SAMD4A: variants seen among roughly 807,000 people sequenced by gnomAD.
SAMD4A encodes the protein protein Smaug homolog 1.
In SAMD4A, 33 loss-of-function variants were observed where a neutral mutation model predicts 81.3. That is an observed-to-expected ratio of 0.41 (90% CI 0.31 to 0.54). The LOEUF (loss-of-function observed/expected upper bound fraction) is 0.54. SAMD4A is among the 20% of genes least tolerant of loss of function. The pLI is 0.37. For missense variants in SAMD4A, 854 were observed against 951.1 expected, an observed-to-expected ratio of 0.90 and a Z score of 1.34; for synonymous variants, 389 against 382.1, an observed-to-expected ratio of 1.02 and a Z score of -0.21.
chr14:54,620,332 A>G (rs2034585989), intron 2 of SAMD4A, among the ~76,000 whole-genome samples: 2 of 148,226 alleles, frequency 1.3e-5, no homozygotes, highest in Admixed American at 6.8e-5. Context: ...AGTGCCTCCA[A>G]CAAAAATAAG....
chr14:54,566,800 G>A (rs2140089171), upstream of SAMD4A, among the ~76,000 whole-genome samples: 1 of 152,204 alleles, frequency 6.6e-6, no homozygotes, highest in South Asian at 2.1e-4. Context: ...TCCGGCCGGA[G>A]CAGGCCCAGG....
chr14:54,568,144 G>A (rs1033880822), intron 2 of SAMD4A, 32 bp downstream of exon 2: 3 of 1,402,594 alleles, frequency 2.1e-6, no homozygotes, highest in East Asian at 5.9e-5. Context: ...CCGCCGTCCC[G>A]CCTGCCCAAC....
intron 6 of SAMD4A, among the ~76,000 whole-genome samples, chr14:54,755,660 G>A (rs1184969392): frequency 6.6e-6 from 1 of 152,172 alleles, no homozygotes; most frequent in Non-Finnish European, 1.5e-5. Flanking sequence ...AGTTTTAGGG[G>A]AATGGGAGGA....
At chr14:54,770,039 T>G in intron 8 of SAMD4A, 65 bp from the exon 9 acceptor site, 3 of 999,568 alleles carry the variant, frequency 3.0e-6, no homozygotes, top group Admixed American at 1.8e-5. Flanking sequence ...CCCTTATTAA[T>G]TGCATGTTTC....
intron 2 of SAMD4A, among the ~76,000 whole-genome samples, chr14:54,583,331 A>G (rs1047893335): frequency 1.3e-5 from 2 of 152,136 alleles, no homozygotes; most frequent in Non-Finnish European, 2.9e-5. Flanking sequence ...TTGCAATTCA[A>G]ATGTAACTAG....
At chr14:54,717,904 T>G (rs1053515173) in intron 3 of SAMD4A, among the ~76,000 whole-genome samples, 11 of 146,034 alleles carry the variant, frequency 7.5e-5, no homozygotes, top group African/African-American at 2.8e-4. Flanking sequence ...TTTTTTTTGC[T>G]CAATCTATGA....
intron 3 of SAMD4A, among the ~76,000 whole-genome samples, chr14:54,711,263 C>T (rs1200509401): frequency 2.0e-5 from 3 of 152,174 alleles, no homozygotes; most frequent in African/African-American, 4.8e-5. Flanking sequence ...TATTGTTACT[C>T]TTGCTCCTTT....
intron 4 of SAMD4A, among the ~76,000 whole-genome samples, chr14:54,739,055 C>CTTTTTTTTTTTTTTTTTTTTTTTTTTTTT (rs3051648): frequency 1.4e-4 from 14 of 97,346 alleles, no homozygotes; most frequent in African/African-American, 6.8e-4. Flanking sequence ...CTTTCCTTTT[C>CTTTTTTTTTTTTTTTTTTTTTTTTTTTTT]TTTTTTTTTT....
chr14:54,686,649 A>G (rs564293326), intron 2 of SAMD4A, among the ~76,000 whole-genome samples: 1 of 152,154 alleles, frequency 6.6e-6, no homozygotes, highest in African/African-American at 2.4e-5. Context: ...TGTGAAAAAA[A>G]GAAAACGGAT....
At chr14:54,771,696 G>C (rs1037324824) in intron 9 of SAMD4A, among the ~76,000 whole-genome samples, 1 of 152,200 alleles carries the variant, frequency 6.6e-6, no homozygotes, top group Non-Finnish European at 1.5e-5. Context: ...TTTCCCAGGT[G>C]AATAGAAAAG....
chr14:54,733,128 G>C (rs1566609525), intron 3 of SAMD4A, among the ~76,000 whole-genome samples: 1 of 152,180 alleles, frequency 6.6e-6, no homozygotes, highest in Non-Finnish European at 1.5e-5. Context: ...GGTCCTGATA[G>C]TATGACCAAG....
intron 11 of SAMD4A, among the ~76,000 whole-genome samples, chr14:54,781,953 G>A (rs1343769649): frequency 6.6e-6 from 1 of 152,230 alleles, no homozygotes; most frequent in Non-Finnish European, 1.5e-5. Context: ...GAACATATGG[G>A]CTTCTCCCAA....
upstream of SAMD4A, among the ~76,000 whole-genome samples, chr14:54,566,628 G>T (rs1233686105): frequency 6.6e-6 from 1 of 151,700 alleles, no homozygotes; most frequent in African/African-American, 2.4e-5. Flanking sequence ...GCGGACCCCG[G>T]CCGTCCCCTC....
chr14:54,780,654 TGGGCCCACA>T, intron 11 of SAMD4A, among the ~76,000 whole-genome samples: 1 of 152,220 alleles, frequency 6.6e-6, no homozygotes, highest in Non-Finnish European at 1.5e-5. Context: ...AGAACCCAGC[TGGGCCCACA>T]GCCTCCTGCC....
At chr14:54,628,065 C>T (rs1025239525) in intron 2 of SAMD4A, among the ~76,000 whole-genome samples, 10 of 151,978 alleles carry the variant, frequency 6.6e-5, no homozygotes, top group African/African-American at 2.4e-4. Flanking sequence ...TCTTGGTGGT[C>T]TCGGGCCTTG....
chr14:54,671,433 C>T (rs560706055), intron 2 of SAMD4A, among the ~76,000 whole-genome samples: 1 of 152,308 alleles, frequency 6.6e-6, no homozygotes, highest in African/African-American at 2.4e-5. Flanking sequence ...GTGCTTAGAA[C>T]AGCACCTAGT....
intron 2 of SAMD4A, among the ~76,000 whole-genome samples, chr14:54,699,553 A>T (rs1186379586): frequency 2.0e-5 from 3 of 152,232 alleles, no homozygotes; most frequent in Non-Finnish European, 4.4e-5. Context: ...TTGGCATTTT[A>T]AGACTTTTAA....
chr14:54,643,115 T>C (rs1594765792), intron 2 of SAMD4A, among the ~76,000 whole-genome samples: 1 of 152,374 alleles, frequency 6.6e-6, no homozygotes, highest in East Asian at 1.9e-4. Context: ...GGAAAGTCTT[T>C]AAGACAACAG....
intron 8 of SAMD4A, among the ~76,000 whole-genome samples, chr14:54,767,000 G>A (rs908811332): frequency 6.6e-6 from 1 of 152,168 alleles, no homozygotes; most frequent in Admixed American, 6.5e-5. Flanking sequence ...TGCCCAGAGG[G>A]GCCTCTCGTG....
Sources: allele counts gnomAD v4.1 joint callset (sites outside exome capture counted in the v4.1 genomes callset), GRCh38; gene constraint gnomAD v4.1.1; transcripts MANE v1.5; gene names NCBI Gene and HGNC (gene_info 2026-07-23, HGNC 2026-07-21).